AMY2B: variants seen among roughly 807,000 people sequenced by gnomAD.
AMY2B encodes amylase alpha 2B.
AMY2B carries 63 observed loss-of-function variants against 59.3 expected under a neutral mutation model. That is an observed-to-expected ratio of 1.06 (90% CI 0.87 to 1.31). The LOEUF (loss-of-function observed/expected upper bound fraction) is 1.31, where lower values mean the gene tolerates loss of function less well. AMY2B is among the 50% of genes most tolerant of loss of function. The pLI, the probability that AMY2B is intolerant of heterozygous loss-of-function variation, is 0.00. For synonymous variants in AMY2B, 180 were observed against 198.1 expected, an observed-to-expected ratio of 0.91 and a Z score of 0.77; for missense variants, 635 against 626.7, an observed-to-expected ratio of 1.01 and a Z score of -0.14.
At position 103,574,287 on chromosome 1, in the gene AMY2B, A is replaced by G; in HGVS notation, c.772A>G (p.Lys258Glu). 6.2e-7 allele frequency: 1 copy of G among 1,611,862 alleles called. No individual in the cohort carries two copies. Among genetic ancestry groups the G allele is most frequent in the African/African-American group, 1.3e-5 (1 of 74,986 alleles). Residue 258 changes from lysine (K) to glutamate (E), a missense_variant, in exon 5 of 10, where the codon AAA becomes GAA. Lys to Glu is a moderately conservative substitution (Grantham distance 56). Transcript: ENST00000684275. Reference sequence around the variant, plus strand: ...AATTGATCTGGGTGGTGAGCCAATTAAAAGCAGTGACTACTTTGGAAATGG... The same window carrying G: ...AATTGATCTGGGTGGTGAGCCAATTGAAAGCAGTGACTACTTTGGAAATGG... ...EVIDLGGEPI[K>E]SSDYFGNGRV...
chr1:103,575,189 A>C (rs755889733), intron 5 of AMY2B, 34 bp from the exon 6 acceptor site: 58 of 1,612,400 alleles, frequency 3.6e-5, no homozygotes, highest in Non-Finnish European at 4.7e-5. Flanking sequence ...TTGTGAAATG[A>C]TACATCAACA....
In AMY2B at chr1:103,577,841, G is replaced by T. The variant is rs576493727; in HGVS notation, c.1342G>T (p.Asp448Tyr). ...NRGFIVFNND[D>Y]WTFSLTLQTG... ...AGGATTCATTGTTTTCAACAATGAT[G>T]ACTGGTAAGTACATATCAATTAAAA... Residue 448 changes from aspartate to tyrosine, a missense_variant, in exon 9 of 10, where the codon GAC (aspartate) becomes TAC (tyrosine). Physicochemically the swap from Asp to Tyr is radical, Grantham distance 160 (BLOSUM62 -3). Transcript: ENST00000684275. 9 of 1,602,334 alleles carry T rather than the reference G, an allele frequency of 5.6e-6. No individual in the cohort carries two copies. The highest frequency in any genetic ancestry group is 2.7e-5 in the African/African-American group (2 of 74,832).
At chr1:103,575,419 A>C in intron 6 of AMY2B, 22 bp from the exon 7 acceptor site, 1 of 1,613,234 alleles carries the variant, frequency 6.2e-7, no homozygotes, top group Non-Finnish European at 8.5e-7. Context: ...ATTCTGTGAT[A>C]ATATAATTAT....
chr1:103,564,561 T>G (rs544907006), intron 1 of AMY2B, among the ~76,000 whole-genome samples: 1 of 152,280 alleles, frequency 6.6e-6, no homozygotes, highest in Non-Finnish European at 1.5e-5. Flanking sequence ...CCATCATTTA[T>G]AAAGCTTGGT....
At chr1:103,564,851 C>T (rs1422412927) in intron 1 of AMY2B, among the ~76,000 whole-genome samples, 1 of 152,066 alleles carries the variant, frequency 6.6e-6, no homozygotes, top group African/African-American at 2.4e-5. Flanking sequence ...ACCTCTAATT[C>T]AATATGTCCC....
At chr1:103,566,578 C>T (rs908189225) in intron 2 of AMY2B, among the ~76,000 whole-genome samples, 1 of 152,120 alleles carries the variant, frequency 6.6e-6, no homozygotes, top group Non-Finnish European at 1.5e-5. Flanking sequence ...TCTGTTGAAA[C>T]CACATACATT....
chr1:103,572,256 G>A lies in AMY2B; in HGVS notation c.315G>A (p.Gly105=), dbSNP rs1189364425. 2 of 1,608,916 alleles carry A rather than the reference G, an allele frequency of 1.2e-6. No homozygotes were observed. Among genetic ancestry groups the A allele is most frequent in the Non-Finnish European group, 1.7e-6 (2 of 1,178,168 alleles). The change falls in exon 2 of 10, where the codon GGG becomes GGA. Residue 105 remains glycine, a splice_region_variant and synonymous_variant. Coordinates refer to ENST00000684275, the MANE Select transcript of AMY2B (RefSeq NM_001387437.1). The part of the protein sequence containing the change: ...RNMVTRCNNV[G]VRIYVDAVIN... ...TGGTGACTAGATGTAACAATGTTGG[G>A]GTAAGTGAATTCTAGTTTCCTTGAA...
chr1:103,562,092 G>C (rs959735643), intron 1 of AMY2B: 6 of 152,166 alleles, frequency 3.9e-5, no homozygotes, highest in Non-Finnish European at 8.8e-5. Context: ...AGAAGTTAAT[G>C]TGGTAAGTTG....
At chr1:103,572,422 A>G (rs1652173045) in intron 2 of AMY2B, among the ~76,000 whole-genome samples, 166 bp downstream of exon 2, 1 of 152,164 alleles carries the variant, frequency 6.6e-6, no homozygotes, top group South Asian at 2.1e-4. Flanking sequence ...GCTTTTGTAA[A>G]TATTTGTGTA....
At chr1:103,566,173 C>G (rs1651904904) in intron 2 of AMY2B, among the ~76,000 whole-genome samples, 1 of 152,124 alleles carries the variant, frequency 6.6e-6, no homozygotes, top group Non-Finnish European at 1.5e-5. Context: ...TTCTTCAAGT[C>G]AATTTTATCT....
At chr1:103,571,301 T>C, upstream of AMY2B, 2 of 787,780 alleles carry the variant, frequency 2.5e-6, no homozygotes, top group Non-Finnish European at 3.6e-6. Flanking sequence ...TGACAACAAA[T>C]TTTGGTTTTC....
intron 1 of AMY2B, chr1:103,562,053 A>C (rs1317532469): frequency 6.6e-6 from 1 of 152,236 alleles, no homozygotes; most frequent in Non-Finnish European, 1.5e-5. Context: ...AAAACACTCA[A>C]CTGTGGGTTT....
chr1:103,570,016 G>A, upstream of AMY2B: 1 of 439,224 alleles, frequency 2.3e-6, no homozygotes, highest in Non-Finnish European at 4.5e-6. Context: ...CATGGGCTTT[G>A]GAGATGGGGT....
At position 103,574,356 on chromosome 1, in the gene AMY2B, A is replaced by G; in HGVS notation, c.841A>G (p.Ile281Val). The G allele has an allele frequency of 1.2e-6, 2 of 1,611,818 alleles. No individual in the cohort carries two copies. Among genetic ancestry groups the G allele is most frequent in the South Asian group, 2.2e-5 (2 of 90,988 alleles). Residue 281 changes from isoleucine to valine, a missense_variant, in exon 5 of 10, where the codon ATT becomes GTT. Transcript: ENST00000684275. ...GTATGGTGCAAAACTCGGCACAGTT[A>G]TTCGCAAGTGGAATGGAGAGAAGAT... ...FKYGAKLGTVIRKWNGEKMSY... is the reference protein window; with the variant it reads ...FKYGAKLGTVVRKWNGEKMSY...
chr1:103,575,066 A>G (rs984357855), intron 5 of AMY2B, among the ~76,000 whole-genome samples, 157 bp from the exon 6 acceptor site: 20 of 147,362 alleles, frequency 1.4e-4, no homozygotes, highest in East Asian at 3.9e-4. Flanking sequence ...GTATGTATAT[A>G]TATATATATA....
At chr1:103,570,803 C>A, upstream of AMY2B, 1 of 451,546 alleles carries the variant, frequency 2.2e-6, no homozygotes, top group South Asian at 1.6e-5. Flanking sequence ...AATAAGTTGT[C>A]TTTAAAGCTT....
chr1:103,570,931 C>T (rs1359697539), upstream of AMY2B: 14 of 350,046 alleles, frequency 4.0e-5, no homozygotes, highest in South Asian at 1.8e-4. Flanking sequence ...GTACATGTGG[C>T]TTGGTCACTT....
At chr1:103,560,956 A>C (rs928763624) in intron 1 of AMY2B, among the ~76,000 whole-genome samples, 5 of 152,176 alleles carry the variant, frequency 3.3e-5, no homozygotes, top group Non-Finnish European at 7.4e-5. Context: ...CTACAATTTG[A>C]CCATTAATAA....
At position 103,573,667 on chromosome 1, in the gene AMY2B, T is replaced by A. The variant is rs763628253; in HGVS notation, c.514-41T>A. 7 of 1,610,838 alleles carry A rather than the reference T, an allele frequency of 4.3e-6. No homozygotes were observed. In the Admixed American group the frequency reaches 1.2e-4, roughly 27 times the overall value. ...ATCAAATGGATTCTCATGTGAAAAA[T>A]GAGGTTTTATGAATCAATCATAACA... On this transcript the variant is annotated intron_variant, in intron 3 of 9. Transcript: ENST00000684275.
Sources: allele counts gnomAD v4.1 joint callset (sites outside exome capture counted in the v4.1 genomes callset), GRCh38; gene constraint gnomAD v4.1.1; transcripts MANE v1.5; gene names NCBI Gene and HGNC (gene_info 2026-07-23, HGNC 2026-07-21).